The following ESYT3 variants were observed in gnomAD, a reference collection of about 807,000 sequenced individuals.
ESYT3 encodes the protein extended synaptotagmin 3.
ESYT3 carries 101 observed loss-of-function variants against 111.5 expected under a neutral mutation model. That is an observed-to-expected ratio of 0.91 (90% confidence interval 0.77 to 1.07). The LOEUF is 1.07. Among genes scored for constraint, ESYT3 ranks in the 50% least tolerant of loss-of-function variants. The pLI is 0.00. For missense variants in ESYT3, 1,097 were observed against 1,109.4 expected, an observed-to-expected ratio of 0.99 and a Z score of 0.16; for synonymous variants, 416 against 446.8, an observed-to-expected ratio of 0.93 and a Z score of 0.87.
At chr3:138,467,722 C>G in intron 11 of ESYT3, 113 bp downstream of exon 11, 1 of 978,800 alleles carries the variant, frequency 1.0e-6, no homozygotes, top group African/African-American at 1.6e-5. Context: ...CCCCTCTGTG[C>G]TAGGCTCCAT....
intron 8 of ESYT3, 126 bp from the exon 9 acceptor site, chr3:138,464,219 C>T: frequency 9.1e-7 from 1 of 1,101,508 alleles, no homozygotes; most frequent in Non-Finnish European, 1.3e-6. Flanking sequence ...GCTTCTATCT[C>T]CTGGTCCAGA....
At chr3:138,445,458 T>C (rs1421674791) in intron 1 of ESYT3, among the ~76,000 whole-genome samples, 1 of 152,222 alleles carries the variant, frequency 6.6e-6, no homozygotes, top group Non-Finnish European at 1.5e-5. Flanking sequence ...GAGCCACAGA[T>C]CCCTGGGCCA....
rs192999564 is a variant in ESYT3 at position 138,469,266 on chromosome 3, G to A, written c.1435-170G>A. On this transcript the variant is annotated intron_variant, in intron 14 of 22. Transcript: ENST00000389567. ...TGGGGTTGGTCCTGTCCTGGGGCTC[G>A]CACAGTAATGACAGCCCAGGGGGAC... The A allele has an allele frequency of 1.0e-3, 638 of 631,298 alleles. 5 individuals are homozygous for A. The African/African-American group carries it at 0.011, about 11-fold the overall frequency. 39.1% of individuals were successfully genotyped at this position (631,298 alleles called of 1,614,324 possible).
At chr3:138,437,548 G>A (rs1456834213) in intron 1 of ESYT3, among the ~76,000 whole-genome samples, 1 of 152,188 alleles carries the variant, frequency 6.6e-6, no homozygotes, top group African/African-American at 2.4e-5. Context: ...TGGCTGAAGT[G>A]TGTGGTAGGG....
At chr3:138,445,553 G>A (rs899367550) in intron 1 of ESYT3, among the ~76,000 whole-genome samples, 6 of 152,188 alleles carry the variant, frequency 3.9e-5, no homozygotes, top group African/African-American at 1.4e-4. Flanking sequence ...CTCATTCTCT[G>A]TTCTCGCCTT....
intron 11 of ESYT3, 30 bp downstream of exon 11, chr3:138,467,639 A>G (rs1158487873): frequency 2.5e-6 from 4 of 1,610,564 alleles, no homozygotes; most frequent in African/African-American, 2.7e-5. Context: ...CCCTCGGGGG[A>G]GTTTCAAGGT....
Position 138,479,889 on chromosome 3 carries a change from G to C in ESYT3, c.*3035G>C, listed in dbSNP as rs772266352. 1 of 152,094 alleles carries C rather than the reference G, an allele frequency of 6.6e-6. No individual in the cohort carries two copies. The highest frequency in any genetic ancestry group is 1.5e-5 in the Non-Finnish European group (1 of 68,014). 9.4% of individuals were successfully genotyped at this position (152,094 alleles called of 1,614,324 possible). ...ATCCCCTAGAGTCCACTTCTACCCC[G>C]TTTAGTAGTAAATACAAGAATTGCT... On this transcript the variant is annotated 3_prime_UTR_variant, in exon 23 of 23. Transcript: ENST00000389567.
intron 1 of ESYT3, among the ~76,000 whole-genome samples, chr3:138,437,377 C>T (rs868792163): frequency 1.3e-5 from 2 of 152,202 alleles, no homozygotes; most frequent in African/African-American, 4.8e-5. Flanking sequence ...TCTGCAGACT[C>T]GCCTGGCTGG....
At chr3:138,469,019 G>A in intron 14 of ESYT3, 138 bp downstream of exon 14, 1 of 924,348 alleles carries the variant, frequency 1.1e-6, no homozygotes. Context: ...TGATTGTGGA[G>A]TCTACTGTGT....
In ESYT3 at chr3:138,470,117, A is replaced by C; in HGVS notation, c.1561A>C (p.Asn521His). ...WSQVFSFFVH[N>H]VATERLHLKV... ...CCAGGTGTTCTCCTTCTTTGTGCACAATGTGGCCACTGAGCGGCTCCATCT... is the reference window on the plus strand; with the variant it reads ...CCAGGTGTTCTCCTTCTTTGTGCACCATGTGGCCACTGAGCGGCTCCATCT... Residue 521 changes from asparagine (N) to histidine (H), a missense_variant, in exon 16 of 23, where the codon AAT becomes CAT. Physicochemically the swap from Asn to His is moderately conservative, Grantham distance 68. Transcript: ENST00000389567. The C allele has an allele frequency of 6.2e-7, 1 of 1,613,016 alleles. No homozygotes were observed. Among genetic ancestry groups the C allele is most frequent in the Non-Finnish European group, 8.5e-7 (1 of 1,179,302 alleles).
intron 1 of ESYT3, among the ~76,000 whole-genome samples, chr3:138,442,498 C>T (rs1362837754): frequency 6.6e-6 from 1 of 152,180 alleles, no homozygotes; most frequent in Non-Finnish European, 1.5e-5. Flanking sequence ...CAGTTTCTCC[C>T]TCTGATCTGT....
intron 3 of ESYT3, among the ~76,000 whole-genome samples, chr3:138,456,708 T>G (rs1187453285): frequency 1.3e-5 from 2 of 152,144 alleles, no homozygotes; most frequent in Non-Finnish European, 2.9e-5. Flanking sequence ...AGCTAATGCC[T>G]GATGATCTGA....
At chr3:138,468,542 G>A in intron 12 of ESYT3, 113 bp from the exon 13 acceptor site, 1 of 1,057,318 alleles carries the variant, frequency 9.5e-7, no homozygotes, top group East Asian at 2.4e-5. Flanking sequence ...CCGGCAGCTA[G>A]TCTGGAGTGT....
chr3:138,473,720 G>A (rs1576469744), intron 19 of ESYT3, 86 bp downstream of exon 19: 2 of 1,135,414 alleles, frequency 1.8e-6, no homozygotes, highest in Non-Finnish European at 1.3e-6. Context: ...CAATGAAAAG[G>A]GCACATAGTC....
In ESYT3 at chr3:138,470,118, A is replaced by G. The variant is rs767624112; in HGVS notation, c.1562A>G (p.Asn521Ser). 11 of 1,611,698 alleles carry G rather than the reference A, an allele frequency of 6.8e-6. No individual in the cohort carries two copies. The highest frequency in any genetic ancestry group is 3.3e-5 in the South Asian group (3 of 91,004). The change falls in exon 16 of 23, where the codon AAT becomes AGT. Residue 521 changes from asparagine (N) to serine (S), a missense_variant. By Grantham distance (46) the Asn-to-Ser change is conservative. Coordinates refer to ENST00000389567, the MANE Select transcript of ESYT3 (RefSeq NM_031913.5). ...WSQVFSFFVHNVATERLHLKV... is the reference protein window; with the variant it reads ...WSQVFSFFVHSVATERLHLKV... ...CAGGTGTTCTCCTTCTTTGTGCACAATGTGGCCACTGAGCGGCTCCATCTG... is the reference window on the plus strand; with the variant it reads ...CAGGTGTTCTCCTTCTTTGTGCACAGTGTGGCCACTGAGCGGCTCCATCTG...
chr3:138,445,438 G>A (rs2031474230), intron 1 of ESYT3, among the ~76,000 whole-genome samples: 2 of 152,234 alleles, frequency 1.3e-5, no homozygotes, highest in South Asian at 4.1e-4. Flanking sequence ...CTCTGCGGCT[G>A]TCTTTATCTG....
chr3:138,467,636 G>A (rs1343268594), intron 11 of ESYT3, 27 bp downstream of exon 11: 3 of 1,613,096 alleles, frequency 1.9e-6, no homozygotes, highest in Admixed American at 3.3e-5. Context: ...CAACCCTCGG[G>A]GGAGTTTCAA....
Position 138,462,204 on chromosome 3 carries a change from T to G in ESYT3, c.913T>G (p.Cys305Gly). ...GACCAACCTGCGCTTCCCTCTGCCC[T>G]GTGTGAGTACCCAGTACTAGCCACA... ...DLTNLRFPLP[C>G]GVIRVHLLEA... Residue 305 changes from cysteine to glycine, a missense_variant and splice_region_variant, in exon 8 of 23, where the codon TGT (cysteine) becomes GGT (glycine). Physicochemically the swap from Cys to Gly is radical, Grantham distance 159. Transcript: ENST00000389567. The G allele has an allele frequency of 6.2e-7, 1 of 1,614,198 alleles. No individual in the cohort carries two copies.
At chr3:138,469,229 G>A in intron 14 of ESYT3, 1 of 599,298 alleles carries the variant, frequency 1.7e-6, no homozygotes, top group Non-Finnish European at 2.9e-6. Context: ...CTTTTAACTT[G>A]GAACTGCTTT....
Sources: allele counts gnomAD v4.1 joint callset (sites outside exome capture counted in the v4.1 genomes callset), GRCh38; gene constraint gnomAD v4.1.1; transcripts MANE v1.5; gene names NCBI Gene and HGNC (gene_info 2026-07-23, HGNC 2026-07-21).